Variants in SEC24B observed in about 807,000 individuals in gnomAD.
SEC24B encodes the protein protein transport protein Sec24B.
A neutral mutation model predicts 142.8 loss-of-function variants in SEC24B; 45 were observed. That is an observed-to-expected ratio of 0.32 (90% CI 0.25 to 0.40). SEC24B has a LOEUF of 0.40. Among genes scored for constraint, SEC24B ranks in the 10% least tolerant of loss-of-function variants. SEC24B has a pLI of 1.00. For missense variants in SEC24B, 1,409 were observed against 1,526.8 expected (o/e 0.92, Z 1.29); for synonymous variants, 574 against 568.2 (o/e 1.01, Z -0.15).
At chr4:109,530,132 A>T (rs752401505) in intron 18 of SEC24B, among the ~76,000 whole-genome samples, 157 bp from the exon 19 acceptor site, 2 of 152,242 alleles carry the variant, frequency 1.3e-5, no homozygotes, top group Admixed American at 6.5e-5. Flanking sequence ...AAAATGTATA[A>T]GAAGACATTT....
At chr4:109,476,022 T>C in intron 3 of SEC24B, among the ~76,000 whole-genome samples, 1 of 151,288 alleles carries the variant, frequency 6.6e-6, no homozygotes, top group South Asian at 2.1e-4. Context: ...AGACTCACTC[T>C]GTCACCCAGG....
At position 109,494,686 on chromosome 4, in the gene SEC24B, G is replaced by A. The variant is rs1355964971; in HGVS notation, c.1318G>A (p.Ala440Thr). The A allele has an allele frequency of 1.2e-6, 2 of 1,613,830 alleles. No homozygotes were observed. The highest frequency in any genetic ancestry group is 2.7e-5 in the African/African-American group (2 of 74,904). ...TGAACCTGATCCTGCTTCTGCTCCA[G>A]CTCCAGCTTCAGCTCCAGCTCCTGT... ...APEPDPASAP[A>T]PASAPAPVVP... is the part of the protein sequence containing the mutation. Residue 440 changes from alanine to threonine, a missense_variant, in exon 6 of 24, where the codon GCT becomes ACT. Ala to Thr is a moderately conservative substitution (Grantham distance 58, BLOSUM62 0). Around this residue, in one of 2 missense-constraint regions of SEC24B, gnomAD observed 709 missense variants for 673.5 expected, o/e 1.05. Transcript: ENST00000265175.
intron 18 of SEC24B, among the ~76,000 whole-genome samples, chr4:109,527,838 A>G (rs1318111317): frequency 2.6e-5 from 4 of 152,102 alleles, no homozygotes; most frequent in South Asian, 2.1e-4. Context: ...TAAAAAGCAT[A>G]TGTTTTACAT....
intron 14 of SEC24B, among the ~76,000 whole-genome samples, chr4:109,524,171 A>C (rs952780882): frequency 1.3e-5 from 2 of 151,936 alleles, no homozygotes; most frequent in Non-Finnish European, 2.9e-5. Context: ...AATATTCTCT[A>C]TCTGTCTGCC....
intron 4 of SEC24B, among the ~76,000 whole-genome samples, chr4:109,490,568 TAATTGTAGGTCTCAA>T (rs1734922852): frequency 6.6e-6 from 1 of 152,106 alleles, no homozygotes; most frequent in Non-Finnish European, 1.5e-5. Context: ...GTACCCAGGA[TAATTGTAGGTCTCAA>T]AATATTTGTT....
In SEC24B at chr4:109,476,571, G is replaced by A. The variant is rs188741143; in HGVS notation, c.1060+3385G>A. On this transcript the variant is annotated intron_variant, in intron 3 of 23. Coordinates refer to ENST00000265175, the MANE Select transcript of SEC24B (RefSeq NM_006323.5). ...GATTAGAATTACTTGTAAGAATTCT[G>A]CTAAAGCAGTATCATTCTGTTTTGC... Among the ~76,000 whole-genome samples, 443 of 152,194 alleles carry A rather than the reference G, an allele frequency of 2.9e-3. 4 individuals carry two copies. Among genetic ancestry groups the A allele is most frequent in the African/African-American group, 9.6e-3 (400 of 41,472 alleles).
intron 10 of SEC24B, among the ~76,000 whole-genome samples, chr4:109,515,191 C>T (rs1737799355): frequency 6.6e-6 from 1 of 152,074 alleles, no homozygotes; most frequent in Non-Finnish European, 1.5e-5. Context: ...AGCTCTGCCT[C>T]CCGGGTTCAC....
chr4:109,453,780 C>T (rs1000177097), intron 1 of SEC24B, among the ~76,000 whole-genome samples: 7 of 151,736 alleles, frequency 4.6e-5, no homozygotes, highest in South Asian at 2.1e-4. Flanking sequence ...GTATTGATTG[C>T]GGAAGTGATA....
intron 6 of SEC24B, among the ~76,000 whole-genome samples, chr4:109,504,743 C>T (rs952775127): frequency 6.6e-6 from 1 of 152,126 alleles, no homozygotes. Context: ...TAAGCTTTCA[C>T]CTAGTGGCTT....
chr4:109,485,026 T>C (rs558558477), intron 4 of SEC24B, among the ~76,000 whole-genome samples: 1 of 152,284 alleles, frequency 6.6e-6, no homozygotes, highest in East Asian at 1.9e-4. Context: ...AATACAGAGC[T>C]AGTATGTCTC....
At chr4:109,481,824 A>C in intron 4 of SEC24B, 43 bp downstream of exon 4, 10 of 1,477,920 alleles carry the variant, frequency 6.8e-6, no homozygotes, top group Non-Finnish European at 9.4e-6. Context: ...TTTCCTGCTC[A>C]AGTTTTCTTT....
intron 7 of SEC24B, 49 bp from the exon 8 acceptor site, chr4:109,509,960 A>G (rs759906141): frequency 1.0e-5 from 12 of 1,179,460 alleles, no homozygotes; most frequent in Admixed American, 8.6e-5. Context: ...ACTTCAGTGT[A>G]TTTTTCTCTG....
Position 109,506,523 on chromosome 4 carries a change from A to G in SEC24B, c.1673+11A>G. 6.9e-7 allele frequency: 1 copy of G among 1,457,754 alleles called. No homozygotes were observed. The highest frequency in any genetic ancestry group is 1.5e-5 in the South Asian group (1 of 65,136). The allele number at this position is 1,457,754 out of a possible 1,614,324, so 90.3% of individuals were successfully genotyped here. ...AAACTGTAGCCCAGAGTAGGTATTT[A>G]TTTATTTTATAATCTTTCTTAAGTG... On this transcript the variant is annotated intron_variant, in intron 7 of 23. Transcript: ENST00000265175.
intron 10 of SEC24B, among the ~76,000 whole-genome samples, chr4:109,514,247 A>ACTT (rs1182794342): frequency 6.6e-6 from 1 of 152,204 alleles, no homozygotes; most frequent in African/African-American, 2.4e-5. Flanking sequence ...GTGGATATGG[A>ACTT]CTTCTAATTT....
rs189495330 is a variant in SEC24B, at chr4:109,512,069, A to G, written c.1889A>G (p.Tyr630Cys). The change falls in exon 9 of 24, where the codon TAT (tyrosine) becomes TGT (cysteine). Residue 630 changes from tyrosine (Y) to cysteine (C), a missense_variant. By Grantham distance (194) the Tyr-to-Cys change is radical (BLOSUM62 -2). Transcript: ENST00000265175. ...DQRRWKCNLC[Y>C]RVNDVPEEFM... Reference sequence around the variant, plus strand: ...CGTAGATGGAAATGCAATTTGTGCTATAGAGTAAACGATGGTGAGTTTTAG... The same window carrying G: ...CGTAGATGGAAATGCAATTTGTGCTGTAGAGTAAACGATGGTGAGTTTTAG... 5 of 1,611,092 alleles carry G rather than the reference A, an allele frequency of 3.1e-6. No individual in the cohort carries two copies. The highest frequency in any genetic ancestry group is 3.4e-5 in the Admixed American group (2 of 59,478).
chr4:109,488,462 CA>C (rs1295065490), intron 4 of SEC24B, among the ~76,000 whole-genome samples: 1 of 151,872 alleles, frequency 6.6e-6, no homozygotes, highest in Non-Finnish European at 1.5e-5. Flanking sequence ...TTTTTGTTAC[CA>C]AAAAATATTC....
intron 3 of SEC24B, among the ~76,000 whole-genome samples, chr4:109,475,092 C>A (rs1732968350): frequency 6.6e-6 from 1 of 152,274 alleles, no homozygotes; most frequent in African/African-American, 2.4e-5. Flanking sequence ...TAAAATAAAG[C>A]TGAATTTTTG....
At chr4:109,483,673 G>A (rs953394187) in intron 4 of SEC24B, among the ~76,000 whole-genome samples, 3 of 152,068 alleles carry the variant, frequency 2.0e-5, no homozygotes, top group African/African-American at 7.2e-5. Flanking sequence ...TCTATTTCCT[G>A]TGCATTTAAA....
chr4:109,512,453 T>C (rs1447233206), intron 9 of SEC24B, among the ~76,000 whole-genome samples: 1 of 152,190 alleles, frequency 6.6e-6, no homozygotes, highest in African/African-American at 2.4e-5. Flanking sequence ...CATGTATATA[T>C]GTCTGTCTCT....
Sources: allele counts gnomAD v4.1 joint callset (sites outside exome capture counted in the v4.1 genomes callset), GRCh38; gene constraint gnomAD v4.1.1; regional missense constraint gnomAD v4.1.1; transcripts MANE v1.5; gene names NCBI Gene and HGNC (gene_info 2026-07-23, HGNC 2026-07-21).